Variants in OPCML observed in about 807,000 individuals in gnomAD.
The protein encoded by OPCML is opioid-binding protein/cell adhesion molecule.
In OPCML, 13 loss-of-function variants were observed where a neutral mutation model predicts 37.8. The observed-to-expected ratio is 0.34, with a 90% CI of 0.22 to 0.55. The LOEUF is 0.55. Among genes scored for constraint, OPCML ranks in the 20% least tolerant of loss-of-function variants. The pLI is 0.91. For synonymous variants in OPCML, 176 were observed against 168.8 expected (o/e 1.04, Z -0.33); for missense variants, 341 against 435.6 (o/e 0.78, Z 1.93).
At chr11:133,218,902 G>A (rs1041005095) in intron 1 of OPCML, among the ~76,000 whole-genome samples, 1 of 152,090 alleles carries the variant, frequency 6.6e-6, no homozygotes, top group African/African-American at 2.4e-5. Context: ...GTAAAACCTG[G>A]TATCCCTGCA....
At chr11:132,670,388 G>A (rs1379612055) in intron 2 of OPCML, among the ~76,000 whole-genome samples, 2 of 152,006 alleles carry the variant, frequency 1.3e-5, no homozygotes, top group Admixed American at 6.6e-5. Flanking sequence ...TCCCACAGAC[G>A]GGCAAGACCA....
At chr11:132,694,778 C>A (rs1943543065) in intron 2 of OPCML, among the ~76,000 whole-genome samples, 1 of 152,086 alleles carries the variant, frequency 6.6e-6, no homozygotes, top group African/African-American at 2.4e-5. Context: ...GCCCAAGGAT[C>A]CCAGGACTTT....
At chr11:133,074,631 G>A (rs1003772494) in intron 1 of OPCML, among the ~76,000 whole-genome samples, 16 of 152,166 alleles carry the variant, frequency 1.1e-4, no homozygotes, top group African/African-American at 3.9e-4. Flanking sequence ...CAGCTAGTCG[G>A]GGCTCTTGCC....
intron 3 of OPCML, among the ~76,000 whole-genome samples, chr11:132,645,565 C>T (rs1407067502): frequency 6.6e-6 from 1 of 152,156 alleles, no homozygotes; most frequent in East Asian, 1.9e-4. Context: ...TCTGGCTTGT[C>T]TTCAAGGAAA....
intron 2 of OPCML, among the ~76,000 whole-genome samples, chr11:132,698,941 A>G (rs1371099297): frequency 1.3e-5 from 2 of 152,158 alleles, no homozygotes; most frequent in Non-Finnish European, 2.9e-5. Flanking sequence ...TTGAAATTGT[A>G]AATCGCTTTG....
chr11:132,746,366 T>C (rs1362739563), intron 2 of OPCML, among the ~76,000 whole-genome samples: 1 of 152,176 alleles, frequency 6.6e-6, no homozygotes, highest in African/African-American at 2.4e-5. Context: ...CCAAGTGCCA[T>C]GTCACAGGAC....
chr11:133,317,885 A>G lies in OPCML; in HGVS notation c.61+214379T>C, dbSNP rs1485133531. Among the ~76,000 whole-genome samples the G allele has an allele frequency of 2.6e-5, 4 of 152,366 alleles. No individual in the cohort carries two copies. The East Asian group carries it at 5.8e-4, about 22-fold the overall frequency. Reference sequence around the variant, plus strand: ...AGCTCATGGTGATAGACAGTTCTACAAAGCTTTTTGCTGTAACGGTAAATA... The same window carrying G: ...AGCTCATGGTGATAGACAGTTCTACGAAGCTTTTTGCTGTAACGGTAAATA... On this transcript the variant is annotated intron_variant, in intron 1 of 7. Transcript: ENST00000524381.
At chr11:133,049,384 G>A (rs569583100) in intron 1 of OPCML, among the ~76,000 whole-genome samples, 3 of 152,272 alleles carry the variant, frequency 2.0e-5, no homozygotes, top group African/African-American at 4.8e-5. Flanking sequence ...GGGTAGTGGA[G>A]TGAGCCCTGG....
chr11:132,486,787 G>A (rs1424993949), intron 4 of OPCML, among the ~76,000 whole-genome samples: 3 of 151,638 alleles, frequency 2.0e-5, no homozygotes, highest in Admixed American at 1.3e-4. Flanking sequence ...CTAGCCTAAA[G>A]TCAGCATTCT....
chr11:133,150,995 C>G (rs1448737441), intron 1 of OPCML, among the ~76,000 whole-genome samples: 1 of 151,974 alleles, frequency 6.6e-6, no homozygotes, highest in Non-Finnish European at 1.5e-5. Flanking sequence ...AATTCGTCGG[C>G]CAGGTGCGGT....
chr11:133,443,307 G>A (rs906150909), intron 1 of OPCML, among the ~76,000 whole-genome samples: 1 of 152,178 alleles, frequency 6.6e-6, no homozygotes, highest in African/African-American at 2.4e-5. Flanking sequence ...TCCACATTGG[G>A]TGTTTTTATG....
intron 1 of OPCML, among the ~76,000 whole-genome samples, chr11:133,378,286 C>A (rs1257612948): frequency 6.6e-6 from 1 of 152,200 alleles, no homozygotes; most frequent in Non-Finnish European, 1.5e-5. Flanking sequence ...AACAAATACT[C>A]CACATTTTGT....
chr11:132,697,651 G>A (rs1003839501), intron 2 of OPCML, among the ~76,000 whole-genome samples: 28 of 152,148 alleles, frequency 1.8e-4, no homozygotes, highest in East Asian at 9.6e-4. Context: ...TATAGAACAC[G>A]TTCTTTATCC....
chr11:132,814,508 A>G (rs530126529), intron 2 of OPCML, among the ~76,000 whole-genome samples: 96 of 152,308 alleles, frequency 6.3e-4, no homozygotes, highest in African/African-American at 2.2e-3. Flanking sequence ...AACATGAGGA[A>G]GGGCAAATTC....
At chr11:132,528,488 G>C (rs575921739) in intron 4 of OPCML, among the ~76,000 whole-genome samples, 1 of 152,298 alleles carries the variant, frequency 6.6e-6, no homozygotes, top group South Asian at 2.1e-4. Context: ...TTGCTATTAA[G>C]TTGGAAATGG....
intron 1 of OPCML, among the ~76,000 whole-genome samples, chr11:133,185,746 G>A (rs567418434): frequency 6.6e-6 from 1 of 152,124 alleles, no homozygotes; most frequent in Non-Finnish European, 1.5e-5. Flanking sequence ...TTCTTTGGTG[G>A]GTCTGCAATC....
chr11:132,660,611 G>A (rs1237579873), intron 2 of OPCML, among the ~76,000 whole-genome samples: 1 of 152,102 alleles, frequency 6.6e-6, no homozygotes, highest in Non-Finnish European at 1.5e-5. Flanking sequence ...TACAAATACT[G>A]TTTATTTTAA....
chr11:133,237,476 G>A (rs1940564319), intron 1 of OPCML, among the ~76,000 whole-genome samples: 1 of 152,172 alleles, frequency 6.6e-6, no homozygotes, highest in African/African-American at 2.4e-5. Flanking sequence ...AGTTGAGGGA[G>A]GGAAACAACT....
intron 1 of OPCML, among the ~76,000 whole-genome samples, chr11:133,149,658 A>G (rs1212445310): frequency 6.6e-6 from 1 of 152,156 alleles, no homozygotes; most frequent in Non-Finnish European, 1.5e-5. Flanking sequence ...ACTTTGTCCA[A>G]TTAGTTATTA....
Sources: gnomAD v4.1 joint callset for allele counts (sites outside exome capture counted in the v4.1 genomes callset) on GRCh38, gnomAD v4.1.1 for gene constraint, MANE v1.5 for transcripts, NCBI Gene and HGNC (gene_info 2026-07-23, HGNC 2026-07-21) for gene names.